The following PPA2 variants were observed in gnomAD, a reference collection of about 807,000 sequenced individuals.
PPA2 encodes the protein inorganic pyrophosphatase 2, also known as inorganic pyrophosphatase 2, mitochondrial.
PPA2 carries 48 observed loss-of-function variants against 49.5 expected under a neutral mutation model. The ratio of observed to expected loss-of-function variants is 0.97; its 90% confidence interval spans 0.77 to 1.23. The LOEUF is 1.23. Ranked by LOEUF, PPA2 falls within the 50% of genes most tolerant of loss-of-function variation. PPA2 has a pLI of 0.00. For missense variants in PPA2, 429 were observed against 410.1 expected (o/e 1.05, Z -0.40); for synonymous variants, 131 against 139.9 (o/e 0.94, Z 0.45).
intron 6 of PPA2, among the ~76,000 whole-genome samples, chr4:105,433,963 C>T (rs372683549): frequency 5.9e-5 from 9 of 152,258 alleles, no homozygotes; most frequent in Admixed American, 3.3e-4. Flanking sequence ...TAGAGAAGGG[C>T]GTTTAGCTGT....
At chr4:105,469,946 C>T (rs1353465025) in intron 1 of PPA2, among the ~76,000 whole-genome samples, 1 of 152,140 alleles carries the variant, frequency 6.6e-6, no homozygotes. Flanking sequence ...ATAAAGAAAA[C>T]CTACAGTAAT....
chr4:105,437,994 A>T lies in PPA2; in HGVS notation c.484T>A (p.Phe162Ile). ...ACATCAATAGGATCATTATCTCCAAAGCAGTTCGTGCTCTTATCTTTTTCA... is the reference window on the plus strand; with the variant it reads ...ACATCAATAGGATCATTATCTCCAATGCAGTTCGTGCTCTTATCTTTTTCA... The part of the protein sequence containing the change: ...PHEKDKSTNC[F>I]GDNDPIDVCE... The change falls in exon 6 of 12, where the codon TTT (phenylalanine) becomes ATT (isoleucine). Residue 162 changes from phenylalanine to isoleucine, a missense_variant. Physicochemically the swap from Phe to Ile is conservative, Grantham distance 21. Coordinates refer to ENST00000341695, the MANE Select transcript of PPA2 (RefSeq NM_176869.3). The T allele has an allele frequency of 1.2e-6, 2 of 1,609,918 alleles. No individual in the cohort carries two copies. The highest frequency in any genetic ancestry group is 1.7e-6 in the Non-Finnish European group (2 of 1,178,972).
At chr4:105,429,421 A>G (rs908811168) in intron 6 of PPA2, among the ~76,000 whole-genome samples, 19 of 152,350 alleles carry the variant, frequency 1.2e-4, no homozygotes, top group Middle Eastern at 6.8e-3. Flanking sequence ...CCTTATGCCT[A>G]CCTGCAAAGT....
At position 105,369,187 on chromosome 4, in the gene PPA2, A is replaced by C. The variant is rs2110353894; in HGVS notation, c.*538T>G. ...CAGGTATAGAAACTAGAAATGGTCA[A>C]CTCAATGCCTCTAAATTTGTGCTAT... On this transcript the variant is annotated 3_prime_UTR_variant, in exon 12 of 12. Coordinates refer to ENST00000341695, the MANE Select transcript of PPA2 (RefSeq NM_176869.3). 1 of 152,222 alleles carries C rather than the reference A, an allele frequency of 6.6e-6. No homozygotes were observed. Among genetic ancestry groups the C allele is most frequent in the Non-Finnish European group, 1.5e-5 (1 of 68,048 alleles). The allele number at this position is 152,222 out of a possible 1,614,324, so 9.4% of individuals were successfully genotyped here. A position where few individuals can be genotyped will look rare whatever the true frequency, so the allele number is the denominator to read the frequency against.
At position 105,415,450 on chromosome 4, in the gene PPA2, C is replaced by T. The variant is rs182500825; in HGVS notation, c.655+8746G>A. Reference sequence around the variant, plus strand: ...CTATGAGTGAGGGCACACCTGGCTGCGTTGCAACAGCACCCAGGATCGGCC... The same window carrying T: ...CTATGAGTGAGGGCACACCTGGCTGTGTTGCAACAGCACCCAGGATCGGCC... On this transcript the variant is annotated intron_variant, in intron 7 of 11. Transcript: ENST00000341695. 2.2e-4 allele frequency among the ~76,000 whole-genome samples: 34 copies of T among 152,336 alleles called. No homozygotes were observed. The East Asian group carries it at 6.4e-3, about 29-fold the overall frequency.
At chr4:105,403,179 A>G (rs1212031149) in intron 7 of PPA2, among the ~76,000 whole-genome samples, 2 of 151,968 alleles carry the variant, frequency 1.3e-5, no homozygotes, top group Non-Finnish European at 2.9e-5. Flanking sequence ...GTGCACCACC[A>G]TGCTTGGCTA....
At position 105,449,806 on chromosome 4, in the gene PPA2, TCAC is replaced by T. The variant is rs1722591458; in HGVS notation, c.268-406_268-404del. On this transcript the variant is annotated intron_variant, in intron 3 of 11. Coordinates refer to ENST00000341695, the MANE Select transcript of PPA2 (RefSeq NM_176869.3). ...GTAAGTGTGATCATCTCTGTCCCAC[TCAC>T]CACATGAGGTTGTTACAAAGATCAA... Among the ~76,000 whole-genome samples the T allele has an allele frequency of 2.0e-5, 3 of 152,186 alleles. No homozygotes were observed. The South Asian group carries it at 6.2e-4, about 31-fold the overall frequency.
rs780965206 is a variant in PPA2 at position 105,456,761 on chromosome 4, C to CA, written c.158-17dup. 2 of 1,577,644 alleles carry CA rather than the reference C, an allele frequency of 1.3e-6. No homozygotes were observed. Among genetic ancestry groups the CA allele is most frequent in the South Asian group, 2.3e-5 (2 of 88,244 alleles). Reference sequence around the variant, plus strand: ...GTTACATTCTCTGCAAAGACACAAACAAACAAAACAAAACAGAATTAAAGC... The same window carrying CA: ...GTTACATTCTCTGCAAAGACACAAACAAAACAAAACAAAACAGAATTAAAGC... On this transcript the variant is annotated splice_polypyrimidine_tract_variant and intron_variant, in intron 1 of 11. Transcript: ENST00000341695.
intron 5 of PPA2, among the ~76,000 whole-genome samples, chr4:105,440,729 A>T (rs765379361): frequency 1.2e-4 from 19 of 152,174 alleles, no homozygotes; most frequent in Non-Finnish European, 4.4e-5. Flanking sequence ...ACACAGAGAC[A>T]AAGACTGTCT....
At chr4:105,457,057 C>T (rs1722902353) in intron 1 of PPA2, among the ~76,000 whole-genome samples, 4 of 151,744 alleles carry the variant, frequency 2.6e-5, no homozygotes. Context: ...AAAAAAACAT[C>T]ACTTTTGAAA....
At chr4:105,445,655 C>T (rs1448291660) in intron 5 of PPA2, among the ~76,000 whole-genome samples, 1 of 151,992 alleles carries the variant, frequency 6.6e-6, no homozygotes, top group Non-Finnish European at 1.5e-5. Context: ...GACAGATGGT[C>T]TATGGTTTTT....
At chr4:105,423,498 C>T (rs1449288134) in intron 7 of PPA2, 1 of 152,156 alleles carries the variant, frequency 6.6e-6, no homozygotes, top group Admixed American at 6.5e-5. Context: ...TAAATCGTTT[C>T]TTATATTGCC....
chr4:105,413,581 T>C (rs6828942), intron 7 of PPA2, among the ~76,000 whole-genome samples: 1,580 of 152,270 alleles, frequency 0.01, 28 homozygotes, highest in African/African-American at 0.033. Flanking sequence ...TAAAATAACA[T>C]GATGCTGGCA....
chr4:105,419,405 G>A (rs777217221), intron 7 of PPA2, among the ~76,000 whole-genome samples: 5 of 152,166 alleles, frequency 3.3e-5, no homozygotes, highest in Non-Finnish European at 5.9e-5. Flanking sequence ...AGAACATGTG[G>A]TGTTTGGCTT....
chr4:105,442,890 C>T (rs2110296234), intron 5 of PPA2, among the ~76,000 whole-genome samples: 1 of 152,276 alleles, frequency 6.6e-6, no homozygotes, highest in Non-Finnish European at 1.5e-5. Flanking sequence ...GCTAAAGTAT[C>T]CACACACGCC....
At chr4:105,456,279 G>A in intron 2 of PPA2, 1 of 464,548 alleles carries the variant, frequency 2.2e-6, no homozygotes, top group South Asian at 1.5e-5. Flanking sequence ...AAAATGCCTT[G>A]AGCCTCAGTG....
rs73838078 is a variant in PPA2 at position 105,386,384 on chromosome 4, A to G, written c.939+183T>C. Among the ~76,000 whole-genome samples the G allele has an allele frequency of 3.9e-3, 600 of 152,350 alleles. 4 individuals carry two copies. Among genetic ancestry groups the G allele is most frequent in the African/African-American group, 0.014 (569 of 41,574 alleles). On this transcript the variant is annotated intron_variant, in intron 10 of 11. Transcript: ENST00000341695. ...AAATACAAAATTTAAAAACTCAACT[A>G]AAAGGTTTTAAAATTCTTAATTTAA...
chr4:105,448,726 A>G (rs1181376341), intron 4 of PPA2, among the ~76,000 whole-genome samples: 1 of 152,110 alleles, frequency 6.6e-6, no homozygotes. Flanking sequence ...GCCCCAAATA[A>G]AAGTTTCAGT....
At chr4:105,427,592 G>A (rs1723580802) in intron 6 of PPA2, among the ~76,000 whole-genome samples, 2 of 151,972 alleles carry the variant, frequency 1.3e-5, no homozygotes, top group Admixed American at 1.3e-4. Flanking sequence ...GCACAAGACA[G>A]GATATCAGTG....
Sources: allele counts gnomAD v4.1 joint callset (sites outside exome capture counted in the v4.1 genomes callset), GRCh38; gene constraint gnomAD v4.1.1; transcripts MANE v1.5; gene names NCBI Gene and HGNC (gene_info 2026-07-23, HGNC 2026-07-21).